EIPR1: variants seen among roughly 807,000 people sequenced by gnomAD.
The protein encoded by EIPR1 is EARP complex and GARP complex interacting protein 1, also known as EARP and GARP complex-interacting protein 1.
A neutral mutation model predicts 48.1 loss-of-function variants in EIPR1; 25 were observed. The observed-to-expected ratio is 0.52, with a 90% CI of 0.38 to 0.73. The LOEUF (loss-of-function observed/expected upper bound fraction) is 0.73. EIPR1 is among the 30% of genes least tolerant of loss of function. The pLI is 0.00. For synonymous variants in EIPR1, 204 were observed against 201.9 expected, an observed-to-expected ratio of 1.01 and a Z score of -0.09; for missense variants, 415 against 506.2, an observed-to-expected ratio of 0.82 and a Z score of 1.73.
rs1169773222 is a variant in EIPR1 at position 3,377,714 on chromosome 2, G to A, written c.-25C>T. 6 of 1,570,378 alleles carry A rather than the reference G, an allele frequency of 3.8e-6. No individual in the cohort carries two copies. The highest frequency in any genetic ancestry group is 5.2e-6 in the Non-Finnish European group (6 of 1,157,238). ...TGCTGCGGGGAAGCGACCCGACCCC[G>A]GCCACTCACACGCTAAGGACCTCGC... On this transcript the variant is annotated 5_prime_UTR_variant, in exon 1 of 9. Coordinates refer to ENST00000382125, the MANE Select transcript of EIPR1 (RefSeq NM_003310.5).
intron 3 of EIPR1, among the ~76,000 whole-genome samples, chr2:3,271,416 A>C (rs1029107482): frequency 1.3e-5 from 2 of 152,244 alleles, no homozygotes; most frequent in Admixed American, 1.3e-4. Context: ...CGACAGCCTT[A>C]AGACATGTAT....
chr2:3,205,728 G>A (rs182432371), intron 5 of EIPR1, among the ~76,000 whole-genome samples: 169 of 152,240 alleles, frequency 1.1e-3, no homozygotes, highest in African/African-American at 2.7e-3. Context: ...TGAATGCCCC[G>A]AGCTTGAACC....
At chr2:3,252,227 A>C (rs1667021456) in intron 4 of EIPR1, among the ~76,000 whole-genome samples, 1 of 152,228 alleles carries the variant, frequency 6.6e-6, no homozygotes, top group African/African-American at 2.4e-5. Context: ...CTCAGCGTCC[A>C]CAGAGAACAC....
At chr2:3,261,469 A>G (rs921801124) in intron 3 of EIPR1, among the ~76,000 whole-genome samples, 1 of 152,222 alleles carries the variant, frequency 6.6e-6, no homozygotes, top group African/African-American at 2.4e-5. Context: ...CCCACGGGTT[A>G]GGAACCTGCA....
At chr2:3,333,140 A>G in intron 3 of EIPR1, among the ~76,000 whole-genome samples, 1 of 152,164 alleles carries the variant, frequency 6.6e-6, no homozygotes, top group East Asian at 1.9e-4. Flanking sequence ...GGTACAGAGA[A>G]AGGGTTTCTC....
intron 8 of EIPR1, among the ~76,000 whole-genome samples, chr2:3,190,250 G>T (rs1044710192): frequency 1.3e-5 from 2 of 152,324 alleles, no homozygotes; most frequent in South Asian, 4.1e-4. Context: ...CCACTTTCCG[G>T]TGGACACAGG....
At chr2:3,335,494 G>A (rs1172442344) in intron 3 of EIPR1, among the ~76,000 whole-genome samples, 1 of 152,170 alleles carries the variant, frequency 6.6e-6, no homozygotes, top group Non-Finnish European at 1.5e-5. Context: ...ACAGGGCAAG[G>A]GTGGAGGAGA....
chr2:3,283,762 G>A (rs1015429281), intron 3 of EIPR1, among the ~76,000 whole-genome samples: 1 of 152,058 alleles, frequency 6.6e-6, no homozygotes, highest in African/African-American at 2.4e-5. Context: ...TGGCCAACAT[G>A]GTGAAATCCC....
intron 2 of EIPR1, among the ~76,000 whole-genome samples, chr2:3,338,882 A>G (rs1670148294): frequency 6.6e-6 from 1 of 152,272 alleles, no homozygotes; most frequent in Non-Finnish European, 1.5e-5. Context: ...ATGAGAAAAC[A>G]TAATTCCTCT....
intron 3 of EIPR1, among the ~76,000 whole-genome samples, chr2:3,290,717 G>A (rs946611541): frequency 2.6e-5 from 4 of 152,224 alleles, no homozygotes; most frequent in African/African-American, 4.8e-5. Flanking sequence ...ACAGGCAGCC[G>A]TGCCTGACCA....
chr2:3,371,587 CT>C (rs1392362990), intron 1 of EIPR1, among the ~76,000 whole-genome samples: 2 of 152,110 alleles, frequency 1.3e-5, no homozygotes, highest in Non-Finnish European at 2.9e-5. Context: ...CAATCCTAGT[CT>C]CTGATAAAAC....
chr2:3,295,027 C>A (rs1668506122), intron 3 of EIPR1, among the ~76,000 whole-genome samples: 2 of 134,554 alleles, frequency 1.5e-5, no homozygotes, highest in East Asian at 2.6e-4. Context: ...ATACTCTCTG[C>A]ACACATACAC....
At chr2:3,245,697 T>C (rs757067151) in intron 4 of EIPR1, among the ~76,000 whole-genome samples, 2 of 152,210 alleles carry the variant, frequency 1.3e-5, no homozygotes, top group Admixed American at 6.5e-5. Flanking sequence ...AGCATGCCAG[T>C]GTGAGGCACT....
At chr2:3,304,988 AACCCTCCACTCCC>A in intron 3 of EIPR1, among the ~76,000 whole-genome samples, 1 of 121,494 alleles carries the variant, frequency 8.2e-6, no homozygotes, top group Non-Finnish European at 1.8e-5. Context: ...CGTCCAGTTC[AACCCTCCACTCCC>A]GTCCAGTTCA....
intron 1 of EIPR1, among the ~76,000 whole-genome samples, chr2:3,362,184 G>A (rs573643182): frequency 1.3e-5 from 2 of 152,100 alleles, no homozygotes; most frequent in South Asian, 2.1e-4. Flanking sequence ...TTCATCACAC[G>A]GGGATGAGCC....
chr2:3,239,505 G>A lies in EIPR1; in HGVS notation c.416+17794C>T, dbSNP rs151051524. The stretch of plus-strand genomic sequence containing the variant: ...TCAGATTTGGCCATGAGGTGGATCC[G>A]TCTTCTGATTTGGCCATCGTGCGTC... On this transcript the variant is annotated intron_variant, in intron 4 of 8. Transcript: ENST00000382125. Among the ~76,000 whole-genome samples the A allele has an allele frequency of 5.8e-3, 887 of 152,280 alleles. 15 individuals are homozygous for A. Among genetic ancestry groups the A allele is most frequent in the African/African-American group, 0.021 (853 of 41,540 alleles).
intron 4 of EIPR1, among the ~76,000 whole-genome samples, chr2:3,235,488 G>A (rs1558241400): frequency 6.6e-6 from 1 of 151,272 alleles, no homozygotes; most frequent in Non-Finnish European, 1.5e-5. Flanking sequence ...AGCTCTCAGC[G>A]ACTTCCCAAG....
At chr2:3,343,858 T>C (rs1458279630) in intron 2 of EIPR1, among the ~76,000 whole-genome samples, 1 of 152,020 alleles carries the variant, frequency 6.6e-6, no homozygotes, top group Non-Finnish European at 1.5e-5. Flanking sequence ...GCACTGTCCA[T>C]TTCATCTGCG....
intron 1 of EIPR1, among the ~76,000 whole-genome samples, chr2:3,372,768 C>G (rs1659713456): frequency 6.6e-6 from 1 of 152,128 alleles, no homozygotes; most frequent in Non-Finnish European, 1.5e-5. Context: ...AGTCCAGGAC[C>G]AGATGGATTC....
Sources: gnomAD v4.1 joint callset for allele counts (sites outside exome capture counted in the v4.1 genomes callset) on GRCh38, gnomAD v4.1.1 for gene constraint, MANE v1.5 for transcripts, NCBI Gene and HGNC (gene_info 2026-07-23, HGNC 2026-07-21) for gene names.